HPGDS: variants seen among roughly 807,000 people sequenced by gnomAD.
HPGDS encodes the protein GST class-sigma.
A neutral mutation model predicts 23.1 loss-of-function variants in HPGDS; 26 were observed. That is an observed-to-expected ratio of 1.13 (90% confidence interval 0.83 to 1.56). HPGDS has a LOEUF of 1.56. Among genes scored for constraint, HPGDS ranks in the 40% most tolerant of loss-of-function variants. The probability of loss-of-function intolerance (pLI) is 0.00; values close to 1 mark genes in which losing one functional copy is unlikely to be tolerated. For missense variants in HPGDS, 268 were observed against 236.4 expected, an observed-to-expected ratio of 1.13 and a Z score of -0.88; for synonymous variants, 95 against 77.9, an observed-to-expected ratio of 1.22 and a Z score of -1.16.
At chr4:94,306,789 G>A (rs758177920) in intron 4 of HPGDS, among the ~76,000 whole-genome samples, 3 of 151,928 alleles carry the variant, frequency 2.0e-5, no homozygotes, top group Non-Finnish European at 2.9e-5. Context: ...GCCAAGAGAC[G>A]GGAAATAGGA....
At chr4:94,321,223 T>C (rs1161009068) in intron 2 of HPGDS, among the ~76,000 whole-genome samples, 1 of 152,208 alleles carries the variant, frequency 6.6e-6, no homozygotes, top group African/African-American at 2.4e-5. Flanking sequence ...TTCTTTTTGC[T>C]TAGGATTGAC....
chr4:94,337,670 A>G (rs113212591), intron 1 of HPGDS, among the ~76,000 whole-genome samples: 6,963 of 152,130 alleles, frequency 0.046, 507 homozygotes, highest in African/African-American at 0.16. Flanking sequence ...GCAAGACTCC[A>G]TCTCGAAAAA....
chr4:94,336,079 G>A (rs1356945777), intron 1 of HPGDS, among the ~76,000 whole-genome samples: 6 of 151,880 alleles, frequency 4.0e-5, no homozygotes, highest in African/African-American at 7.3e-5. Flanking sequence ...GGTGGTGCGC[G>A]CCTGTAATCC....
At chr4:94,318,816 A>G (rs145416167) in intron 2 of HPGDS, among the ~76,000 whole-genome samples, 3,758 of 152,098 alleles carry the variant, frequency 0.025, 103 homozygotes, top group African/African-American at 0.074. Flanking sequence ...AGGTTCAAGT[A>G]ATTCTCCTGC....
At chr4:94,330,178 C>T (rs551711498) in intron 2 of HPGDS, among the ~76,000 whole-genome samples, 10 of 152,266 alleles carry the variant, frequency 6.6e-5, no homozygotes, top group African/African-American at 2.4e-4. Flanking sequence ...TCCTTTGGAC[C>T]TGGGTGTGAT....
At chr4:94,310,932 CTGTT>C (rs1266129765) in intron 3 of HPGDS, among the ~76,000 whole-genome samples, 2 of 152,212 alleles carry the variant, frequency 1.3e-5, no homozygotes, top group Non-Finnish European at 2.9e-5. Flanking sequence ...ATTTGGCTCT[CTGTT>C]TGTCTGTTAT....
chr4:94,306,181 C>T (rs1265535196), intron 4 of HPGDS, among the ~76,000 whole-genome samples: 1 of 152,032 alleles, frequency 6.6e-6, no homozygotes, highest in Non-Finnish European at 1.5e-5. Flanking sequence ...CCCCACGATG[C>T]ATCCAGCTTG....
intron 2 of HPGDS, among the ~76,000 whole-genome samples, chr4:94,322,933 A>T (rs2126042028): frequency 6.6e-6 from 1 of 152,250 alleles, no homozygotes; most frequent in African/African-American, 2.4e-5. Context: ...CACTGCTTTA[A>T]ATGTATCCCA....
In HPGDS at chr4:94,325,664, C is replaced by T. The variant is rs188639164; in HGVS notation, c.134-7699G>A. ...AAATGCAGTATTTGGGTGGCAGTGTCCCAATTTTCCAGATACAGTCTGTCA... is the reference window on the plus strand; with the variant it reads ...AAATGCAGTATTTGGGTGGCAGTGTTCCAATTTTCCAGATACAGTCTGTCA... On this transcript the variant is annotated intron_variant, in intron 2 of 5. Coordinates refer to ENST00000295256, the MANE Select transcript of HPGDS (RefSeq NM_014485.3). Among the ~76,000 whole-genome samples the T allele has an allele frequency of 4.3e-3, 653 of 152,280 alleles. 2 individuals are homozygous for T. The highest frequency in any genetic ancestry group is 7.4e-3 in the Admixed American group (113 of 15,300).
chr4:94,337,410 C>T (rs1448566538), intron 1 of HPGDS, among the ~76,000 whole-genome samples: 1 of 152,190 alleles, frequency 6.6e-6, no homozygotes, highest in Non-Finnish European at 1.5e-5. Flanking sequence ...GGCACCATGG[C>T]TCACGCCTGT....
chr4:94,324,903 C>T (rs1756597874), intron 2 of HPGDS, among the ~76,000 whole-genome samples: 1 of 152,158 alleles, frequency 6.6e-6, no homozygotes. Context: ...GTTTTATCTA[C>T]CTTTGGTCTT....
intron 2 of HPGDS, among the ~76,000 whole-genome samples, chr4:94,320,086 T>A (rs1464324851): frequency 6.6e-6 from 1 of 152,214 alleles, no homozygotes; most frequent in African/African-American, 2.4e-5. Flanking sequence ...ACAAAGGACA[T>A]GAACTCATCC....
chr4:94,311,151 T>C (rs1460036301), intron 3 of HPGDS, among the ~76,000 whole-genome samples: 1 of 152,210 alleles, frequency 6.6e-6, no homozygotes, highest in African/African-American at 2.4e-5. Context: ...CTGATTGCCC[T>C]GGCCAGAACT....
At chr4:94,331,124 C>A (rs1756728499) in intron 2 of HPGDS, among the ~76,000 whole-genome samples, 1 of 152,164 alleles carries the variant, frequency 6.6e-6, no homozygotes, top group South Asian at 2.1e-4. Flanking sequence ...TGGGATTGGC[C>A]AAGACTCAGC....
intron 5 of HPGDS, among the ~76,000 whole-genome samples, chr4:94,300,884 G>A (rs984652117): frequency 2.0e-5 from 3 of 152,152 alleles, no homozygotes; most frequent in Non-Finnish European, 2.9e-5. Context: ...ATGCGTAAAG[G>A]CCCTTAAGTG....
At chr4:94,300,022 G>A (rs1756003389) in intron 5 of HPGDS, among the ~76,000 whole-genome samples, 1 of 152,102 alleles carries the variant, frequency 6.6e-6, no homozygotes, top group South Asian at 2.1e-4. Context: ...GGACAAAGCA[G>A]GATCTATTCC....
At chr4:94,302,097 G>A (rs777181123) in intron 5 of HPGDS, 49 bp downstream of exon 5, 1 of 1,373,436 alleles carries the variant, frequency 7.3e-7, no homozygotes, top group Non-Finnish European at 1.0e-6. Context: ...ACTTCTATTG[G>A]TTTGTCCTTT....
In HPGDS at chr4:94,319,956, C is replaced by T. The variant is rs1215853559; in HGVS notation, c.134-1991G>A. 5.9e-5 allele frequency among the ~76,000 whole-genome samples: 9 copies of T among 152,262 alleles called. No homozygotes were observed. The East Asian group carries it at 1.5e-3, about 26-fold the overall frequency. On this transcript the variant is annotated intron_variant, in intron 2 of 5. Transcript: ENST00000295256. Reference sequence around the variant, plus strand: ...GCCCCAGTGTGTGATGTTCCCCATCCTGTGTCCAAGTGTTCTCATTGTTCA... The same window carrying T: ...GCCCCAGTGTGTGATGTTCCCCATCTTGTGTCCAAGTGTTCTCATTGTTCA...
intron 3 of HPGDS, among the ~76,000 whole-genome samples, chr4:94,314,166 G>A (rs1464601688): frequency 6.6e-6 from 1 of 152,194 alleles, no homozygotes; most frequent in African/African-American, 2.4e-5. Flanking sequence ...GTCCAGCTTT[G>A]TTCCATTGCT....
Sources: gnomAD v4.1 joint callset for allele counts (sites outside exome capture counted in the v4.1 genomes callset) on GRCh38, gnomAD v4.1.1 for gene constraint, MANE v1.5 for transcripts, NCBI Gene and HGNC (gene_info 2026-07-23, HGNC 2026-07-21) for gene names.